SLC30A8: variants seen among roughly 807,000 people sequenced by gnomAD.
SLC30A8 encodes the protein proton-coupled zinc antiporter SLC30A8.
SLC30A8 carries 27 observed loss-of-function variants against 36.9 expected under a neutral mutation model. The observed-to-expected ratio is 0.73, with a 90% CI of 0.54 to 1.01. SLC30A8 has a LOEUF of 1.01. Ranked by LOEUF, SLC30A8 falls within the 50% of genes least tolerant of loss-of-function variation. SLC30A8 has a pLI of 0.00. For missense variants in SLC30A8, 439 were observed against 452.0 expected (o/e 0.97, Z 0.26); for synonymous variants, 164 against 172.4 (o/e 0.95, Z 0.38).
intron 1 of SLC30A8, among the ~76,000 whole-genome samples, chr8:116,961,885 A>C (rs181003150): frequency 2.7e-4 from 41 of 151,968 alleles, no homozygotes; most frequent in African/African-American, 9.4e-4. Context: ...AATGGTATTA[A>C]TCCATGCATG....
chr8:117,157,717 C>T lies in SLC30A8; in HGVS notation c.445C>T (p.Leu149=). ...AEILGALLSI[L]CIWVVTGVLV... The stretch of plus-strand genomic sequence containing the variant: ...GATCCTTGGTGCCCTGCTCTCCATC[C>T]TGTGCATCTGGGTGGTGACTGGCGT... The change falls in exon 4 of 8, where the codon CTG becomes TTG. Residue 149 remains leucine, a synonymous_variant. Transcript: ENST00000456015. 1 of 1,614,024 alleles carries T rather than the reference C, an allele frequency of 6.2e-7. No individual in the cohort carries two copies. Among genetic ancestry groups the T allele is most frequent in the South Asian group, 1.1e-5 (1 of 91,070 alleles).
rs778566684 is a variant in SLC30A8, at chr8:117,147,117, G to A, written c.235G>A (p.Ala79Thr). The change falls in exon 2 of 8, where the codon GCA becomes ACA. Residue 79 changes from alanine to threonine, a missense_variant. Coordinates refer to ENST00000456015, the MANE Select transcript of SLC30A8 (RefSeq NM_173851.3). ...CAAGTGGAAACTCTGTTCTGCTTCA[G>A]CAATATGCTTCATTTTCATGATTGC... The part of the protein sequence containing the change: ...YAKWKLCSAS[A>T]ICFIFMIAEV... 38 of 1,613,928 alleles carry A rather than the reference G, an allele frequency of 2.4e-5. No homozygotes were observed. The highest frequency in any genetic ancestry group is 3.2e-5 in the Non-Finnish European group (38 of 1,180,016).
chr8:117,110,361 C>G (rs190361811), intron 2 of SLC30A8, among the ~76,000 whole-genome samples: 33 of 152,186 alleles, frequency 2.2e-4, no homozygotes, highest in African/African-American at 7.0e-4. Flanking sequence ...CTTTCCAGCC[C>G]TGTGGGTGTA....
Position 117,078,887 on chromosome 8 carries a change from C to T in SLC30A8, c.-226+39629C>T, listed in dbSNP as rs1234795576. On this transcript the variant is annotated intron_variant, in intron 2 of 10. Coordinates refer to the SLC30A8 transcript ENST00000427715. ...ATTTTTTGTAGAGGTGGGGTTTCAC[C>T]ATGTTGCCCAGGCTGGTCTTGAATT... Among the ~76,000 whole-genome samples the T allele has an allele frequency of 7.2e-5, 11 of 152,178 alleles. No individual in the cohort carries two copies. In the East Asian group the frequency reaches 2.1e-3, roughly 29 times the overall value.
intron 2 of SLC30A8, among the ~76,000 whole-genome samples, chr8:117,109,618 T>C (rs1820137939): frequency 6.6e-6 from 1 of 152,192 alleles, no homozygotes; most frequent in South Asian, 2.1e-4. Context: ...GAAAGTTGTT[T>C]GTTCACTTGT....
At chr8:117,161,673 CATTA>C (rs1822795692) in intron 4 of SLC30A8, 61 bp from the exon 5 acceptor site, 6 of 1,488,160 alleles carry the variant, frequency 4.0e-6, no homozygotes, top group Admixed American at 2.0e-5. Context: ...CCAGCTTCTC[CATTA>C]TGCTGCCTAC....
At position 117,171,093 on chromosome 8, in the gene SLC30A8, G is replaced by A. The variant is rs766829457; in HGVS notation, c.889G>A (p.Val297Met). 1.2e-6 allele frequency: 2 copies of A among 1,612,864 alleles called. No homozygotes were observed. The highest frequency in any genetic ancestry group is 8.5e-7 in the Non-Finnish European group (1 of 1,179,294). The change falls in exon 7 of 8, where the codon GTG becomes ATG. Residue 297 changes from valine to methionine, a missense_variant. Coordinates refer to ENST00000456015, the MANE Select transcript of SLC30A8 (RefSeq NM_173851.3). ...AGAGCTTATTTTAGCAGTCGACGGG[G>A]TGCTGTCTGTGCACAGCCTGCACAT... ...VKELILAVDG[V>M]LSVHSLHIWS...
At chr8:117,083,084 C>T (rs1818729059) in intron 2 of SLC30A8, among the ~76,000 whole-genome samples, 1 of 152,182 alleles carries the variant, frequency 6.6e-6, no homozygotes, top group South Asian at 2.1e-4. Context: ...ATGATCCTTC[C>T]CAAATATTCC....
Position 117,157,786 on chromosome 8 carries a change from CA to C in SLC30A8, c.515del (p.Gln172ArgfsTer6). The C allele has an allele frequency of 6.2e-7, 1 of 1,614,114 alleles. No individual in the cohort carries two copies. Among genetic ancestry groups the C allele is most frequent in the East Asian group, 2.2e-5 (1 of 44,872 alleles). ...ACERLLYPDYQIQATVMIIVS... is the reference protein window; with the variant it reads ...ACERLLYPDYXIQATVMIIVS... Reference sequence around the variant, plus strand: ...TGAGCGCCTGCTGTATCCTGATTACCAGATCCAGGCGACTGTGATGATCATC... The same window carrying C: ...TGAGCGCCTGCTGTATCCTGATTACCGATCCAGGCGACTGTGATGATCATC... On this transcript the variant is annotated frameshift_variant, in exon 4 of 8. Transcript: ENST00000456015. LOFTEE classifies it high-confidence loss of function.
chr8:117,043,331 C>A (rs1817448871), intron 2 of SLC30A8, among the ~76,000 whole-genome samples: 1 of 152,196 alleles, frequency 6.6e-6, no homozygotes, highest in African/African-American at 2.4e-5. Context: ...TCAGCATGGG[C>A]TTCGTTGGTC....
intron 2 of SLC30A8, among the ~76,000 whole-genome samples, chr8:117,041,047 A>G (rs1297420766): frequency 1.3e-5 from 2 of 152,218 alleles, no homozygotes; most frequent in Non-Finnish European, 2.9e-5. Context: ...CCAGCCACAC[A>G]GGGAGGAATG....
chr8:117,067,276 A>G (rs752225352), intron 2 of SLC30A8, among the ~76,000 whole-genome samples: 4 of 151,820 alleles, frequency 2.6e-5, no homozygotes, highest in African/African-American at 4.8e-5. Flanking sequence ...AAACCATAAC[A>G]TTGACTCTAC....
intron 2 of SLC30A8, among the ~76,000 whole-genome samples, chr8:117,151,476 G>A (rs1163243386): frequency 4.6e-5 from 7 of 152,216 alleles, no homozygotes; most frequent in African/African-American, 1.7e-4. Flanking sequence ...ATCAGTGACT[G>A]CCCGCAGTTT....
In SLC30A8 at chr8:117,173,640, A is replaced by ACTAT. The variant is rs1459373217; in HGVS notation, c.*962_*965dup. On this transcript the variant is annotated 3_prime_UTR_variant, in exon 8 of 8. Coordinates refer to ENST00000456015, the MANE Select transcript of SLC30A8 (RefSeq NM_173851.3). ...TTCTGTGTTCTGGTAGCAACTCAAC[A>ACTAT]CTATCTGTGGAGAGTAAACTGAAGA... 3.9e-5 allele frequency: 6 copies of ACTAT among 152,166 alleles called. No homozygotes were observed. Among genetic ancestry groups the ACTAT allele is most frequent in the South Asian group, 2.1e-4 (1 of 4,828 alleles). The allele number at this position is 152,166 out of a possible 1,614,324, so 9.4% of individuals were successfully genotyped here.
At chr8:117,082,901 G>A (rs1403185637) in intron 2 of SLC30A8, among the ~76,000 whole-genome samples, 1 of 152,120 alleles carries the variant, frequency 6.6e-6, no homozygotes, top group African/African-American at 2.4e-5. Flanking sequence ...AGGAAAGGAG[G>A]CTAAGCAGTT....
At chr8:116,954,134 G>A (rs190276639) in intron 1 of SLC30A8, among the ~76,000 whole-genome samples, 2 of 152,262 alleles carry the variant, frequency 1.3e-5, no homozygotes, top group East Asian at 3.9e-4. Context: ...TTGGAGATAA[G>A]ATAATGAAGA....
intron 1 of SLC30A8, among the ~76,000 whole-genome samples, chr8:117,005,805 T>G (rs974628780): frequency 6.6e-6 from 1 of 152,244 alleles, no homozygotes; most frequent in Non-Finnish European, 1.5e-5. Context: ...CCTGAACAGT[T>G]TTCCAACCTA....
intron 2 of SLC30A8, among the ~76,000 whole-genome samples, chr8:117,039,480 A>G (rs1001198814): frequency 3.9e-5 from 6 of 152,152 alleles, no homozygotes; most frequent in East Asian, 1.9e-4. Flanking sequence ...TACACATTCT[A>G]TGCAGCTCAA....
chr8:117,106,471 T>A (rs1169926247), intron 2 of SLC30A8, among the ~76,000 whole-genome samples: 1 of 152,122 alleles, frequency 6.6e-6, no homozygotes, highest in Admixed American at 6.6e-5. Flanking sequence ...TAAATTAGAT[T>A]TTGATTATTG....
Sources: allele counts gnomAD v4.1 joint callset (sites outside exome capture counted in the v4.1 genomes callset), GRCh38; gene constraint gnomAD v4.1.1; transcripts MANE v1.5; gene names NCBI Gene and HGNC (gene_info 2026-07-23, HGNC 2026-07-21).